The following MPP7 variants were observed in gnomAD, a reference collection of about 807,000 sequenced individuals.
MPP7 encodes MAGUK p55 subfamily member 7.
MPP7 carries 60 observed loss-of-function variants against 76.5 expected under a neutral mutation model. The ratio of observed to expected loss-of-function variants is 0.78; its 90% CI spans 0.64 to 0.97. The LOEUF is 0.97. Ranked by LOEUF, MPP7 falls within the 50% of genes least tolerant of loss-of-function variation. The probability of loss-of-function intolerance (pLI) is 0.00; values close to 1 mark genes in which losing one functional copy is unlikely to be tolerated. For missense variants in MPP7, 641 were observed against 694.0 expected, an observed-to-expected ratio of 0.92 and a Z score of 0.86; for synonymous variants, 237 against 244.5, an observed-to-expected ratio of 0.97 and a Z score of 0.29.
chr10:28,261,417 C>A (rs941818131), intron 1 of MPP7, among the ~76,000 whole-genome samples: 1 of 152,168 alleles, frequency 6.6e-6, no homozygotes, highest in African/African-American at 2.4e-5. Context: ...GCGCAGTCAC[C>A]ATAGTTCCAC....
chr10:28,111,052 T>C (rs929543486), intron 11 of MPP7, among the ~76,000 whole-genome samples: 13 of 152,188 alleles, frequency 8.5e-5, no homozygotes, highest in African/African-American at 3.1e-4. Flanking sequence ...TAATCCTACA[T>C]ATATGTGCAC....
intron 1 of MPP7, among the ~76,000 whole-genome samples, chr10:28,244,824 C>A (rs192076576): frequency 1.6e-4 from 25 of 152,180 alleles, no homozygotes; most frequent in African/African-American, 5.3e-4. Flanking sequence ...TCATCTAGTG[C>A]GGGCTCGGGA....
At chr10:28,306,115 C>G (rs1589045040), upstream of MPP7, 7 of 152,206 alleles carry the variant, frequency 4.6e-5, 1 homozygote, top group South Asian at 1.5e-3. Context: ...TTAGCAGATA[C>G]CTATAAGGGA....
At chr10:28,161,314 T>C (rs1836254083) in intron 3 of MPP7, among the ~76,000 whole-genome samples, 1 of 152,156 alleles carries the variant, frequency 6.6e-6, no homozygotes, top group Admixed American at 6.5e-5. Context: ...ATATATACTG[T>C]AGCATGTCCA....
At chr10:28,127,823 G>A (rs1376154540) in intron 6 of MPP7, among the ~76,000 whole-genome samples, 1 of 152,192 alleles carries the variant, frequency 6.6e-6, no homozygotes, top group Non-Finnish European at 1.5e-5. Flanking sequence ...TGCCAGGGCA[G>A]GCGGAGGAAA....
chr10:28,164,575 G>C (rs1836381087), intron 3 of MPP7, among the ~76,000 whole-genome samples: 1 of 152,140 alleles, frequency 6.6e-6, no homozygotes, highest in Non-Finnish European at 1.5e-5. Flanking sequence ...CACATGGACA[G>C]TGTGGAATAA....
chr10:28,060,179 T>C (rs569272164), intron 13 of MPP7, among the ~76,000 whole-genome samples: 78 of 152,252 alleles, frequency 5.1e-4, no homozygotes, highest in African/African-American at 1.6e-3. Context: ...TCATGGGACA[T>C]AGTGGGTATG....
chr10:28,327,196 G>A (rs1834424659), intron 2 of MPP7, among the ~76,000 whole-genome samples: 2 of 141,254 alleles, frequency 1.4e-5, no homozygotes, highest in South Asian at 4.5e-4. Context: ...AAGTCTTAGA[G>A]CCTCTCAGGT....
rs772146922 is a variant in MPP7, at chr10:28,131,710, G to T, written c.316-19C>A. On this transcript the variant is annotated intron_variant, in intron 5 of 16. Transcript: ENST00000683449. ...GCAAAGCCTGTAATATTCAAAGGTT[G>T]ATTTAAATAAGTAAATATACATACT... 2 of 1,486,240 alleles carry T rather than the reference G, an allele frequency of 1.3e-6. No individual in the cohort carries two copies. The highest frequency in any genetic ancestry group is 5.2e-5 in the East Asian group (2 of 38,658). The allele number at this position is 1,486,240 out of a possible 1,614,324, so 92.1% of individuals were successfully genotyped here. A position where few individuals can be genotyped will look rare whatever the true frequency, so the allele number is the denominator to read the frequency against.
chr10:28,213,304 G>A (rs560605196), intron 2 of MPP7, among the ~76,000 whole-genome samples: 4 of 152,074 alleles, frequency 2.6e-5, no homozygotes, highest in Non-Finnish European at 2.9e-5. Context: ...GGTCAAGCGC[G>A]CAGGTGGATT....
At chr10:28,270,489 CAG>C (rs1368664314) in intron 1 of MPP7, among the ~76,000 whole-genome samples, 1 of 134,936 alleles carries the variant, frequency 7.4e-6, no homozygotes, top group African/African-American at 2.9e-5. Flanking sequence ...AATTCCAGAC[CAG>C]CCTGGGCAAC....
intron 2 of MPP7, among the ~76,000 whole-genome samples, chr10:28,329,593 T>A (rs1367181492): frequency 7.5e-6 from 1 of 133,204 alleles, no homozygotes; most frequent in Non-Finnish European, 1.5e-5. Flanking sequence ...ATCGCGCCAC[T>A]GCACTCCAGC....
intron 3 of MPP7, among the ~76,000 whole-genome samples, chr10:28,194,527 C>T (rs1837517517): frequency 6.6e-6 from 1 of 152,156 alleles, no homozygotes; most frequent in Non-Finnish European, 1.5e-5. Context: ...ACAACTAAAT[C>T]CTATTCAGCA....
chr10:28,114,381 A>G (rs1344256326), intron 11 of MPP7, among the ~76,000 whole-genome samples: 1 of 152,144 alleles, frequency 6.6e-6, no homozygotes, highest in Non-Finnish European at 1.5e-5. Context: ...CACTGCACTC[A>G]AGCCTGGGCA....
intron 5 of MPP7, among the ~76,000 whole-genome samples, chr10:28,141,618 A>G (rs983757063): frequency 4.0e-5 from 6 of 151,656 alleles, no homozygotes; most frequent in African/African-American, 1.5e-4. Context: ...GTATACATAT[A>G]AATATATGCA....
chr10:28,163,913 CA>C (rs35147298), intron 3 of MPP7, among the ~76,000 whole-genome samples: 18 of 132,460 alleles, frequency 1.4e-4, no homozygotes, highest in South Asian at 2.5e-4. Context: ...AGCTCCATCT[CA>C]AAAAAAAAAA....
chr10:28,269,642 T>G (rs1840259153), intron 1 of MPP7, among the ~76,000 whole-genome samples: 2 of 151,284 alleles, frequency 1.3e-5, no homozygotes, highest in Admixed American at 1.3e-4. Flanking sequence ...TCCTCCCAGC[T>G]CAGTCTCCCA....
intron 1 of MPP7, among the ~76,000 whole-genome samples, chr10:28,253,311 T>C (rs1839676173): frequency 6.6e-6 from 1 of 152,064 alleles, no homozygotes; most frequent in African/African-American, 2.4e-5. Flanking sequence ...CGGCCAAATA[T>C]GAGCTGGGGA....
intron 16 of MPP7, among the ~76,000 whole-genome samples, chr10:28,055,045 A>G (rs1183434194): frequency 6.6e-6 from 1 of 152,224 alleles, no homozygotes; most frequent in Non-Finnish European, 1.5e-5. Flanking sequence ...ACATTTTTAA[A>G]GCCAGGAAGT....
Sources: allele counts gnomAD v4.1 joint callset (sites outside exome capture counted in the v4.1 genomes callset), GRCh38; gene constraint gnomAD v4.1.1; transcripts MANE v1.5; gene names NCBI Gene and HGNC (gene_info 2026-07-23, HGNC 2026-07-21).